Variants in MPPE1 observed in about 807,000 individuals in gnomAD.
MPPE1 encodes the protein metallo phosphoesterase.
Under a neutral mutation model 43.8 loss-of-function variants are expected in MPPE1, and 28 were observed. That is an observed-to-expected ratio of 0.64 (90% CI 0.47 to 0.88). The LOEUF is 0.88. MPPE1 is among the 40% of genes least tolerant of loss of function. The probability of loss-of-function intolerance (pLI) is 0.00; values close to 1 mark genes in which losing one functional copy is unlikely to be tolerated. For missense variants in MPPE1, 428 were observed against 492.2 expected, an observed-to-expected ratio of 0.87 and a Z score of 1.23; for synonymous variants, 159 against 188.5, an observed-to-expected ratio of 0.84 and a Z score of 1.28.
At chr18:11,893,300 C>G (rs1007373700) in intron 4 of MPPE1, 168 bp downstream of exon 4, 51 of 573,226 alleles carry the variant, frequency 8.9e-5, no homozygotes, top group Non-Finnish European at 4.4e-5. Flanking sequence ...TCTTAGATAG[C>G]CTATGAATTC....
intron 6 of MPPE1, 78 bp downstream of exon 6, chr18:11,888,591 C>A: frequency 1.2e-6 from 1 of 826,496 alleles, no homozygotes; most frequent in Non-Finnish European, 2.0e-6. Context: ...GATGATAGAT[C>A]CCAGTATGGC....
chr18:11,902,065 C>A (rs1464452725), intron 2 of MPPE1, among the ~76,000 whole-genome samples: 1 of 152,218 alleles, frequency 6.6e-6, no homozygotes, highest in Non-Finnish European at 1.5e-5. Flanking sequence ...ACCACACATG[C>A]CGCATAATCG....
intron 3 of MPPE1, chr18:11,895,331 C>T (rs922031037): frequency 3.3e-5 from 5 of 152,204 alleles, no homozygotes; most frequent in African/African-American, 1.2e-4. Flanking sequence ...GTTGTCCTAG[C>T]TACTTGGGAG....
chr18:11,901,851 T>TA (rs1350305233), intron 2 of MPPE1, among the ~76,000 whole-genome samples: 1 of 152,006 alleles, frequency 6.6e-6, no homozygotes, highest in Middle Eastern at 3.4e-3. Context: ...AATAAATAAA[T>TA]AAAGGGGGAA....
At chr18:11,899,032 C>T (rs951611764) in intron 2 of MPPE1, among the ~76,000 whole-genome samples, 14 of 152,094 alleles carry the variant, frequency 9.2e-5, no homozygotes, top group Middle Eastern at 3.4e-3. Context: ...CTCAGCCTCC[C>T]GAGTAGCTGG....
At chr18:11,904,918 AG>A (rs1322990974) in intron 2 of MPPE1, among the ~76,000 whole-genome samples, 1 of 151,960 alleles carries the variant, frequency 6.6e-6, no homozygotes, top group Non-Finnish European at 1.5e-5. Flanking sequence ...ACTCCAGCCT[AG>A]GCGACAGAGC....
At position 11,885,773 on chromosome 18, in the gene MPPE1, G is replaced by C; in HGVS notation, c.911C>G (p.Thr304Arg). The C allele has an allele frequency of 6.2e-7, 1 of 1,613,206 alleles. No homozygotes were observed. The highest frequency in any genetic ancestry group is 1.3e-5 in the African/African-American group (1 of 75,044). Residue 304 changes from threonine (T) to arginine (R), a missense_variant, in exon 10 of 11, where the codon ACG (threonine) becomes AGG (arginine). Physicochemically the swap from Thr to Arg is moderately conservative, Grantham distance 71. Transcript: ENST00000588072. ...GTGGTGCACCTCGCAGGCGCTGTGC[G>C]TGTGGCCACTGAGAACCAGGCGCGG... The part of the protein sequence containing the change: ...LQPRLVLSGH[T>R]HSACEVHHGG...
In MPPE1 at chr18:11,886,853, G is replaced by C. The variant is rs1289540494; in HGVS notation, c.678+64C>G. ...AGGGCAAGAAGCGCTAGGGGGCTGA[G>C]TGAGCAACCGAAGCGGAGCAACACG... On this transcript the variant is annotated intron_variant, in intron 7 of 10. Transcript: ENST00000588072. This position sits in a 1 kb window ranked among gnomAD's most constrained non-coding sequence, Gnocchi z 4.1. 6 of 1,595,694 alleles carry C rather than the reference G, an allele frequency of 3.8e-6. No homozygotes were observed. Among genetic ancestry groups the C allele is most frequent in the South Asian group, 1.1e-5 (1 of 90,328 alleles).
At chr18:11,900,697 G>A (rs58284518) in intron 2 of MPPE1, among the ~76,000 whole-genome samples, 7,910 of 151,952 alleles carry the variant, frequency 0.052, 407 homozygotes, top group African/African-American at 0.13. Flanking sequence ...CACGAGGTCA[G>A]GAGATCGAGA....
intron 1 of MPPE1, among the ~76,000 whole-genome samples, chr18:11,906,916 T>A (rs1218306846): frequency 6.6e-6 from 1 of 152,062 alleles, no homozygotes; most frequent in African/African-American, 2.4e-5. Flanking sequence ...ATTTATTTAT[T>A]TTTAGAGATA....
At chr18:11,888,611 TA>T in intron 6 of MPPE1, 57 bp downstream of exon 6, 2 of 1,095,930 alleles carry the variant, frequency 1.8e-6, no homozygotes, top group South Asian at 1.4e-5. Flanking sequence ...CAGGCACCTT[TA>T]AAAAATGAAG....
At chr18:11,903,572 C>T (rs917649475) in intron 2 of MPPE1, among the ~76,000 whole-genome samples, 2 of 152,070 alleles carry the variant, frequency 1.3e-5, no homozygotes, top group Admixed American at 6.6e-5. Flanking sequence ...TTTGGGAGGC[C>T]GAGGCGGGCG....
intron 10 of MPPE1, 122 bp from the exon 11 acceptor site, chr18:11,884,749 C>A: frequency 1.5e-6 from 2 of 1,317,714 alleles, no homozygotes; most frequent in Non-Finnish European, 2.1e-6. Flanking sequence ...AGGGAACGGG[C>A]CCTCCTCACC....
chr18:11,895,976 A>G (rs2038550922), intron 3 of MPPE1, among the ~76,000 whole-genome samples: 2 of 152,170 alleles, frequency 1.3e-5, no homozygotes, highest in Middle Eastern at 3.4e-3. Flanking sequence ...AATCAGGATC[A>G]ATTTGTAAGA....
intron 3 of MPPE1, among the ~76,000 whole-genome samples, 158 bp downstream of exon 3, chr18:11,896,826 A>C (rs761414768): frequency 2.1e-4 from 32 of 152,226 alleles, no homozygotes; most frequent in Non-Finnish European, 3.8e-4. Flanking sequence ...TATCCTCAGT[A>C]AATGGTAAAT....
At chr18:11,900,010 G>C (rs528639633) in intron 2 of MPPE1, among the ~76,000 whole-genome samples, 1 of 152,038 alleles carries the variant, frequency 6.6e-6, no homozygotes, top group Non-Finnish European at 1.5e-5. Flanking sequence ...TCAGGAGTTC[G>C]AGACCAGCCT....
chr18:11,884,844 A>T, intron 10 of MPPE1: 1 of 1,376,892 alleles, frequency 7.3e-7, no homozygotes, highest in Non-Finnish European at 9.4e-7. Context: ...GTAAGGCCCA[A>T]GTGTGCCTGA....
At chr18:11,892,199 G>A (rs1271298719) in intron 4 of MPPE1, among the ~76,000 whole-genome samples, 1 of 151,376 alleles carries the variant, frequency 6.6e-6, no homozygotes, top group Admixed American at 6.6e-5. Flanking sequence ...AATTATCAGG[G>A]CATGGTGGTG....
rs1324911790 is a variant in MPPE1 at position 11,882,726 on chromosome 18, G to A, written c.*1719C>T. On this transcript the variant is annotated 3_prime_UTR_variant, in exon 11 of 11. Transcript: ENST00000588072. ...AAAACCTTGACGTGTCAATGTTTGT[G>A]TCTGGCCTAGGAGAATGAGGATGAC... 6.7e-6 allele frequency: 1 copy of A among 148,914 alleles called. No individual in the cohort carries two copies. The highest frequency in any genetic ancestry group is 1.5e-5 in the Non-Finnish European group (1 of 67,446). The allele number at this position is 148,914 out of a possible 1,614,324, so 9.2% of individuals were successfully genotyped here.
Sources: allele counts gnomAD v4.1 joint callset (sites outside exome capture counted in the v4.1 genomes callset), GRCh38; gene constraint gnomAD v4.1.1; non-coding constraint Gnocchi (gnomAD v3.1); transcripts MANE v1.5; gene names NCBI Gene and HGNC (gene_info 2026-07-23, HGNC 2026-07-21).